Variants in MITF observed in about 807,000 individuals in gnomAD.
MITF encodes the protein microphthalmia-associated transcription factor.
Under a neutral mutation model 60.5 loss-of-function variants are expected in MITF, and 17 were observed. The observed-to-expected ratio is 0.28, with a 90% confidence interval of 0.19 to 0.42. The LOEUF is 0.42. Among genes scored for constraint, MITF ranks in the 10% least tolerant of loss-of-function variants. The pLI is 1.00. For synonymous variants in MITF, 260 were observed against 248.5 expected (o/e 1.05, Z -0.43); for missense variants, 622 against 683.5 (o/e 0.91, Z 1.00).
chr3:69,750,540 A>G (rs957740261), intron 1 of MITF, among the ~76,000 whole-genome samples: 2 of 151,318 alleles, frequency 1.3e-5, no homozygotes, highest in African/African-American at 4.9e-5. Context: ...TAACAATACA[A>G]GAGTATTTAA....
rs1179298440 is a variant in MITF, at chr3:69,937,960, G to A, written c.493G>A (p.Gly165Ser). The A allele has an allele frequency of 6.2e-7, 1 of 1,614,154 alleles. No homozygotes were observed. The highest frequency in any genetic ancestry group is 8.5e-7 in the Non-Finnish European group (1 of 1,180,012). ...VLSLPCPNQP[G>S]DHVMPPVPGS... The stretch of plus-strand genomic sequence containing the variant: ...GAGCTTGCCATGTCCAAACCAGCCT[G>A]GCGATCATGTCATGCCACCGGTGCC... Residue 165 changes from glycine (G) to serine (S), a missense_variant, in exon 3 of 10, where the codon GGC becomes AGC. By Grantham distance (56) the Gly-to-Ser change is moderately conservative (BLOSUM62 0). This residue lies in a region of MITF where 215 missense variants were observed against 224.8 expected (regional missense o/e 0.96). Coordinates refer to ENST00000352241, the MANE Select transcript of MITF (RefSeq NM_001354604.2).
chr3:69,880,062 C>T (rs1158234309), intron 2 of MITF, among the ~76,000 whole-genome samples: 1 of 152,148 alleles, frequency 6.6e-6, no homozygotes, highest in Non-Finnish European at 1.5e-5. Context: ...GGAGATACTC[C>T]TTGTTTAAGA....
intron 2 of MITF, among the ~76,000 whole-genome samples, chr3:69,897,075 A>G (rs1469592264): frequency 2.6e-5 from 4 of 152,168 alleles, no homozygotes; most frequent in Admixed American, 2.6e-4. Context: ...CTAGGAGGGT[A>G]TTGGGAACTG....
chr3:69,959,027 G>A (rs1338287404), intron 8 of MITF, among the ~76,000 whole-genome samples: 2 of 150,658 alleles, frequency 1.3e-5, no homozygotes, highest in African/African-American at 4.9e-5. Context: ...GGGGTGGGAT[G>A]GGGGTGAGGG....
At chr3:69,906,707 A>G (rs1486059054) in intron 2 of MITF, among the ~76,000 whole-genome samples, 1 of 152,168 alleles carries the variant, frequency 6.6e-6, no homozygotes, top group Non-Finnish European at 1.5e-5. Context: ...TACATGTCAC[A>G]AGGCCAATTA....
At chr3:69,844,112 A>G (rs545570259) in intron 1 of MITF, among the ~76,000 whole-genome samples, 37 of 152,294 alleles carry the variant, frequency 2.4e-4, no homozygotes, top group Non-Finnish European at 4.3e-4. Context: ...CATGGTCTGT[A>G]TGTGCTACAT....
chr3:69,804,171 G>A (rs1395494312), intron 1 of MITF, among the ~76,000 whole-genome samples: 1 of 152,184 alleles, frequency 6.6e-6, no homozygotes, highest in Non-Finnish European at 1.5e-5. Flanking sequence ...TCTTTCTGAA[G>A]TACTAAAAAT....
chr3:69,812,683 G>A (rs1431992572), intron 1 of MITF, among the ~76,000 whole-genome samples: 1 of 152,132 alleles, frequency 6.6e-6, no homozygotes, highest in Non-Finnish European at 1.5e-5. Flanking sequence ...CACAATGCGG[G>A]TGACATAGTT....
At chr3:69,945,667 C>G (rs1435977339) in intron 5 of MITF, among the ~76,000 whole-genome samples, 15 of 152,182 alleles carry the variant, frequency 9.9e-5, no homozygotes, top group Admixed American at 9.2e-4. Context: ...GACACAGTTT[C>G]TCAAATGTGG....
chr3:69,948,712 C>T (rs561612660), intron 5 of MITF, among the ~76,000 whole-genome samples: 45 of 152,172 alleles, frequency 3.0e-4, no homozygotes, highest in Admixed American at 1.4e-3. Context: ...ATTTCCTGAA[C>T]ACCCACTGTT....
At chr3:69,792,845 T>G (rs2062762872) in intron 1 of MITF, among the ~76,000 whole-genome samples, 1 of 152,020 alleles carries the variant, frequency 6.6e-6, no homozygotes, top group South Asian at 2.1e-4. Context: ...TCTCCTCCAC[T>G]AAAAAGATAG....
At chr3:69,919,587 A>C (rs1374395921) in intron 2 of MITF, among the ~76,000 whole-genome samples, 1 of 152,092 alleles carries the variant, frequency 6.6e-6, no homozygotes, top group South Asian at 2.1e-4. Flanking sequence ...CTAACTCTTT[A>C]TTATGGAAAA....
intron 2 of MITF, among the ~76,000 whole-genome samples, chr3:69,883,208 A>G (rs1039597518): frequency 6.6e-6 from 1 of 152,152 alleles, no homozygotes; most frequent in African/African-American, 2.4e-5. Flanking sequence ...TCTCCAAATC[A>G]TCTCAAGAGT....
intron 2 of MITF, among the ~76,000 whole-genome samples, chr3:69,921,154 G>T (rs747873075): frequency 6.6e-6 from 1 of 152,236 alleles, no homozygotes; most frequent in Non-Finnish European, 1.5e-5. Context: ...TTACAGGCGT[G>T]AGCCACTGCA....
Position 69,959,321 on chromosome 3 carries a change from T to C in MITF, c.1080T>C (p.Tyr360=), listed in dbSNP as rs1214120541. 1.2e-6 allele frequency: 2 copies of C among 1,614,060 alleles called. No individual in the cohort carries two copies. Among genetic ancestry groups the C allele is most frequent in the East Asian group, 2.2e-5 (1 of 44,848 alleles). The change falls in exon 9 of 10, where the codon TAT becomes TAC. Residue 360 remains tyrosine, a synonymous_variant. Transcript: ENST00000352241. ...KGTILKASVD[Y]IRKLQREQQR... ...CCATCTTAAAAGCATCCGTGGACTA[T>C]ATCCGAAAGTTGCAACGAGAACAGC...
intron 2 of MITF, among the ~76,000 whole-genome samples, chr3:69,887,772 G>T (rs1322079475): frequency 1.3e-5 from 2 of 152,032 alleles, no homozygotes; most frequent in Non-Finnish European, 1.5e-5. Context: ...TATTGGGATT[G>T]GAAGCGGTGG....
rs527295713 is a variant in MITF, at chr3:69,919,145, C to CT, written c.355-18677_355-18676insT. Among the ~76,000 whole-genome samples, 588 of 152,288 alleles carry CT rather than the reference C, an allele frequency of 3.9e-3. 5 individuals are homozygous for CT. The highest frequency in any genetic ancestry group is 0.013 in the African/African-American group (546 of 41,570). ...AGAAGAAAACACTTAAATTCAGCCA[C>CT]CACAGTGCATTTTCCAAAGTGTTAA... On this transcript the variant is annotated intron_variant, in intron 2 of 9. Coordinates refer to ENST00000352241, the MANE Select transcript of MITF (RefSeq NM_001354604.2).
intron 2 of MITF, among the ~76,000 whole-genome samples, chr3:69,929,741 G>A (rs11917655): frequency 1.4e-3 from 215 of 152,070 alleles, no homozygotes; most frequent in Middle Eastern, 0.014. Flanking sequence ...AAAATACACC[G>A]TCAGAGTGCC....
At chr3:69,795,392 T>C (rs996168413) in intron 1 of MITF, among the ~76,000 whole-genome samples, 1 of 152,168 alleles carries the variant, frequency 6.6e-6, no homozygotes, top group Non-Finnish European at 1.5e-5. Flanking sequence ...AAATATTGCA[T>C]TTGGTTTTTA....
Sources: gnomAD v4.1 joint callset for allele counts (sites outside exome capture counted in the v4.1 genomes callset) on GRCh38, gnomAD v4.1.1 for gene constraint, gnomAD v4.1.1 regional missense constraint, MANE v1.5 for transcripts, NCBI Gene and HGNC (gene_info 2026-07-23, HGNC 2026-07-21) for gene names.